The following ZNF536 variants were observed in gnomAD, a reference collection of about 807,000 sequenced individuals.
The protein encoded by ZNF536 is zinc finger protein 536.
ZNF536 carries 13 observed loss-of-function variants against 84.5 expected under a neutral mutation model. The observed-to-expected ratio is 0.15, with a 90% CI of 0.10 to 0.24. The LOEUF (loss-of-function observed/expected upper bound fraction) is 0.24. Among genes scored for constraint, ZNF536 ranks in the 10% least tolerant of loss-of-function variants. ZNF536 has a pLI of 1.00. For synonymous variants in ZNF536, 811 were observed against 742.5 expected (o/e 1.09, Z -1.50); for missense variants, 1,536 against 1,747.5 (o/e 0.88, Z 2.16).
intron 1 of ZNF536, among the ~76,000 whole-genome samples, chr19:30,670,589 G>T (rs2050510879): frequency 6.6e-6 from 1 of 152,240 alleles, no homozygotes; most frequent in Non-Finnish European, 1.5e-5. Flanking sequence ...GGGTCTCGGG[G>T]AATGAACTGT....
chr19:30,285,049 C>A (rs2045580381), intron 2 of ZNF536, among the ~76,000 whole-genome samples: 1 of 152,116 alleles, frequency 6.6e-6, no homozygotes, highest in Non-Finnish European at 1.5e-5. Flanking sequence ...TAATTTATAT[C>A]CATTACCAAG....
At chr19:30,416,950 A>G (rs2050756947) in intron 1 of ZNF536, among the ~76,000 whole-genome samples, 1 of 151,978 alleles carries the variant, frequency 6.6e-6, no homozygotes, top group African/African-American at 2.4e-5. Flanking sequence ...GCCTATGTCT[A>G]TTGATCTGAT....
At chr19:30,617,252 C>A (rs2048327123) in intron 1 of ZNF536, among the ~76,000 whole-genome samples, 1 of 147,296 alleles carries the variant, frequency 6.8e-6, no homozygotes, top group Admixed American at 6.9e-5. Context: ...TACACTAAAC[C>A]CAATGTGTTG....
chr19:30,403,914 T>C (rs2050154064), intron 1 of ZNF536, among the ~76,000 whole-genome samples: 1 of 152,128 alleles, frequency 6.6e-6, no homozygotes. Context: ...ACCGTAAATG[T>C]AATCTCCACT....
At chr19:30,264,327 G>A (rs945821950) in intron 1 of ZNF536, among the ~76,000 whole-genome samples, 1 of 152,100 alleles carries the variant, frequency 6.6e-6, no homozygotes, top group African/African-American at 2.4e-5. Context: ...GGGAGACAAT[G>A]CTGTGGGGGA....
intron 2 of ZNF536, among the ~76,000 whole-genome samples, chr19:30,475,494 G>A (rs2053808228): frequency 1.3e-5 from 2 of 152,126 alleles, no homozygotes; most frequent in African/African-American, 4.8e-5. Context: ...AATAGATATG[G>A]CCTGGTATTT....
chr19:30,504,839 C>T (rs1294202615), intron 2 of ZNF536, among the ~76,000 whole-genome samples: 2 of 152,086 alleles, frequency 1.3e-5, no homozygotes, highest in Admixed American at 6.5e-5. Context: ...TGACCTGGGG[C>T]GCCATTTCCG....
intron 1 of ZNF536, among the ~76,000 whole-genome samples, chr19:30,701,418 CACACAAACACACACACAG>C (rs1337471549): frequency 2.3e-4 from 35 of 151,578 alleles, no homozygotes. Flanking sequence ...GACACAAAAA[CACACAAACACACACACAG>C]ACACAAACAC....
Position 30,283,760 on chromosome 19 carries a change from AG to A in ZNF536, c.-189-311del, listed in dbSNP as rs1389516187. Among the ~76,000 whole-genome samples, 19 of 152,248 alleles carry A rather than the reference AG, an allele frequency of 1.2e-4. No homozygotes were observed. The Middle Eastern group carries it at 0.01, about 82-fold the overall frequency. On this transcript the variant is annotated intron_variant, in intron 1 of 5. Transcript: ENST00000585628. Reference sequence around the variant, plus strand: ...GAGAGAGGGAGAGAGAGAGAGAGAGAGAGCCCTTATAATATTAGCTCCTATT... The same window carrying A: ...GAGAGAGGGAGAGAGAGAGAGAGAGAAGCCCTTATAATATTAGCTCCTATT...
intron 1 of ZNF536, among the ~76,000 whole-genome samples, chr19:30,671,111 G>A (rs145079972): frequency 6.6e-6 from 1 of 152,354 alleles, no homozygotes; most frequent in African/African-American, 2.4e-5. Context: ...GAGGAACAAG[G>A]ATGAATGCAT....
At chr19:30,368,217 C>T (rs1448653743), upstream of ZNF536, among the ~76,000 whole-genome samples, 1 of 152,234 alleles carries the variant, frequency 6.6e-6, no homozygotes, top group East Asian at 1.9e-4. Flanking sequence ...TTGATTGAAA[C>T]GTGGTGGGGT....
chr19:30,611,424 C>G (rs577896749), intron 1 of ZNF536, among the ~76,000 whole-genome samples: 2 of 152,168 alleles, frequency 1.3e-5, no homozygotes, highest in African/African-American at 2.4e-5. Flanking sequence ...TGCATTAAAA[C>G]CCCCTGCTCT....
chr19:30,399,677 A>AGG, intron 1 of ZNF536, among the ~76,000 whole-genome samples: 1 of 107,026 alleles, frequency 9.3e-6, no homozygotes, highest in Admixed American at 1.4e-4. Context: ...TAAATAAGAA[A>AGG]TGTTTTTTTT....
At chr19:30,232,443 C>G (rs780256002) in intron 1 of ZNF536, among the ~76,000 whole-genome samples, 14 of 151,954 alleles carry the variant, frequency 9.2e-5, no homozygotes, top group East Asian at 1.9e-4. Flanking sequence ...CTTTCTCCCC[C>G]CTCTAGTGTC....
intron 1 of ZNF536, among the ~76,000 whole-genome samples, chr19:30,563,935 T>C (rs988061319): frequency 2.0e-5 from 3 of 152,080 alleles, no homozygotes; most frequent in African/African-American, 7.2e-5. Context: ...ATTCCCACTA[T>C]GTCAAGGTGT....
Position 30,701,050 on chromosome 19 carries a change from A to G in ZNF536, c.170-9707A>G, listed in dbSNP as rs548634624. On this transcript the variant is annotated intron_variant, in intron 1 of 1. Coordinates refer to the ZNF536 transcript ENST00000592773. ...TAGGCAATGGCACTGTCAAACGTGG[A>G]TGCAGGACGCCCTTCTGCAGTAGAG... 2.0e-5 allele frequency among the ~76,000 whole-genome samples: 3 copies of G among 152,292 alleles called. No homozygotes were observed. In the East Asian group the frequency reaches 5.8e-4, roughly 29 times the overall value.
At chr19:30,271,017 T>C (rs2025803345) in intron 1 of ZNF536, among the ~76,000 whole-genome samples, 3 of 152,178 alleles carry the variant, frequency 2.0e-5, no homozygotes. Flanking sequence ...GAGAATGCAC[T>C]CTTTCTAAGA....
At chr19:30,474,551 A>ATC (rs2053769908) in intron 2 of ZNF536, among the ~76,000 whole-genome samples, 1 of 151,960 alleles carries the variant, frequency 6.6e-6, no homozygotes, top group Admixed American at 6.6e-5. Flanking sequence ...ACCCCTCCCC[A>ATC]TCACTCTGTC....
chr19:30,617,702 C>T (rs2147110741), intron 1 of ZNF536, among the ~76,000 whole-genome samples: 1 of 152,130 alleles, frequency 6.6e-6, no homozygotes, highest in Admixed American at 6.5e-5. Context: ...TATCTTTAAC[C>T]CCTATGCCAC....
Sources: gnomAD v4.1 joint callset for allele counts (sites outside exome capture counted in the v4.1 genomes callset) on GRCh38, gnomAD v4.1.1 for gene constraint, MANE v1.5 for transcripts, NCBI Gene and HGNC (gene_info 2026-07-23, HGNC 2026-07-21) for gene names.